Variants in IPO5 observed in about 807,000 individuals in gnomAD.
IPO5 encodes importin 5, also known as importin-5.
Under a neutral mutation model 143.3 loss-of-function variants are expected in IPO5, and 18 were observed. That is an observed-to-expected ratio of 0.13 (90% CI 0.09 to 0.19). IPO5 has a LOEUF of 0.19. Among genes scored for constraint, IPO5 ranks in the 10% least tolerant of loss-of-function variants. The pLI is 1.00. For synonymous variants in IPO5, 477 were observed against 465.7 expected, an observed-to-expected ratio of 1.02 and a Z score of -0.31; for missense variants, 1,013 against 1,336.9, an observed-to-expected ratio of 0.76 and a Z score of 3.78.
intron 2 of IPO5, among the ~76,000 whole-genome samples, chr13:97,966,392 T>C (rs142928378): frequency 7.3e-4 from 111 of 152,302 alleles, no homozygotes; most frequent in African/African-American, 2.6e-3. Context: ...GAGATGCTCA[T>C]ATAGTTTTTA....
At chr13:97,981,438 G>C in intron 4 of IPO5, 1 of 309,790 alleles carries the variant, frequency 3.2e-6, no homozygotes, top group South Asian at 2.7e-5. Context: ...TTCCTTATCT[G>C]TTAATATCTC....
intron 7 of IPO5, among the ~76,000 whole-genome samples, 193 bp downstream of exon 7, chr13:97,989,357 TG>T (rs1374005692): frequency 2.0e-5 from 3 of 152,238 alleles, no homozygotes; most frequent in Non-Finnish European, 2.9e-5. Flanking sequence ...TGATCTTTTT[TG>T]TACACAAAGG....
At chr13:97,975,242 G>A (rs1008126809) in intron 3 of IPO5, among the ~76,000 whole-genome samples, 25 of 134,894 alleles carry the variant, frequency 1.9e-4, no homozygotes, top group Middle Eastern at 3.7e-3. Context: ...AGGCCGAGGC[G>A]GGGGGAGGGC....
intron 4 of IPO5, among the ~76,000 whole-genome samples, chr13:97,979,406 TTATTTC>T (rs1317128406): frequency 6.6e-6 from 1 of 152,208 alleles, no homozygotes; most frequent in Non-Finnish European, 1.5e-5. Flanking sequence ...GCTTTATAGT[TTATTTC>T]TATTTTTAAA....
rs755962098 is a variant in IPO5, at chr13:98,006,355, A to AGTTTTTTTTTT, written c.1716+7_1716+8insGTTTTTTTTTT. The AGTTTTTTTTTT allele has an allele frequency of 1.4e-6, 1 of 705,278 alleles. No individual in the cohort carries two copies. Among genetic ancestry groups the AGTTTTTTTTTT allele is most frequent in the South Asian group, 2.2e-5 (1 of 46,332 alleles). 43.7% of individuals were successfully genotyped at this position (705,278 alleles called of 1,614,324 possible). ...GGCTGTTGGGAAGGAAAAAGTAAGT[A>AGTTTTTTTTTT]ATTTTTTTTTTTTTTTTTTTTTTTT... On this transcript the variant is annotated splice_region_variant and intron_variant, in intron 17 of 28. Transcript: ENST00000651721.
chr13:97,991,839 G>C (rs898590002), intron 9 of IPO5, among the ~76,000 whole-genome samples: 1 of 152,214 alleles, frequency 6.6e-6, no homozygotes, highest in African/African-American at 2.4e-5. Flanking sequence ...AAATGTCTGG[G>C]ATTTGTAATA....
chr13:98,020,465 C>T (rs1385770005), intron 27 of IPO5, among the ~76,000 whole-genome samples: 1 of 152,100 alleles, frequency 6.6e-6, no homozygotes, highest in African/African-American at 2.4e-5. Context: ...AGACTACATA[C>T]TCCTGACCTG....
chr13:98,016,678 G>T, intron 24 of IPO5, 51 bp from the exon 25 acceptor site: 1 of 992,548 alleles, frequency 1.0e-6, no homozygotes, highest in Non-Finnish European at 1.4e-6. Flanking sequence ...ATTGATAATA[G>T]AAAATATACT....
In IPO5 at chr13:97,953,694, A is replaced by G. The variant is rs1465389052; in HGVS notation, c.-215A>G. ...ATTGATGACCTCCCACAACTGGAGCAGCCGGGAACAGCTCTGACCACAGTA... is the reference window on the plus strand; with the variant it reads ...ATTGATGACCTCCCACAACTGGAGCGGCCGGGAACAGCTCTGACCACAGTA... On this transcript the variant is annotated 5_prime_UTR_variant, in exon 1 of 29. Transcript: ENST00000651721. 1 of 235,362 alleles carries G rather than the reference A, an allele frequency of 4.2e-6. No homozygotes were observed. Among genetic ancestry groups the G allele is most frequent in the Non-Finnish European group, 8.6e-6 (1 of 115,660 alleles). The allele number at this position is 235,362 out of a possible 1,614,324, so 14.6% of individuals were successfully genotyped here. A position where few individuals can be genotyped will look rare whatever the true frequency, so the allele number is the denominator to read the frequency against.
At chr13:97,993,060 A>T in intron 10 of IPO5, 45 bp from the exon 11 acceptor site, 1 of 1,611,788 alleles carries the variant, frequency 6.2e-7, no homozygotes, top group Non-Finnish European at 8.5e-7. Flanking sequence ...ATTTTCAGGG[A>T]CTAATCTAAA....
At chr13:97,960,492 A>G (rs1884776263) in intron 2 of IPO5, 1 of 152,116 alleles carries the variant, frequency 6.6e-6, no homozygotes, top group Non-Finnish European at 1.5e-5. Context: ...TGTATTTTTA[A>G]TATAATAGCT....
intron 4 of IPO5, among the ~76,000 whole-genome samples, chr13:97,980,210 C>T (rs760607680): frequency 2.0e-5 from 3 of 152,200 alleles, no homozygotes; most frequent in Non-Finnish European, 4.4e-5. Context: ...AAGTTACCAT[C>T]CCTGTCTGTG....
In IPO5 at chr13:97,993,161, C is replaced by T. The variant is rs768164819; in HGVS notation, c.849C>T (p.Ile283=). ...AACGCCAGCTTGCCCTTGAAGTGAT[C>T]GTCACCCTCTCTGAGACTGCAGCTG... The part of the protein sequence containing the change: ...NMQRQLALEV[I]VTLSETAAAM... The change falls in exon 11 of 29, where the codon ATC becomes ATT. Residue 283 remains isoleucine (I), a synonymous_variant. Coordinates refer to ENST00000651721, the MANE Select transcript of IPO5 (RefSeq NM_002271.6). 8.1e-6 allele frequency: 13 copies of T among 1,613,556 alleles called. No homozygotes were observed. In the Admixed American group the frequency reaches 1.5e-4, roughly 19 times the overall value.
At chr13:97,969,415 C>T (rs758570968) in intron 2 of IPO5, among the ~76,000 whole-genome samples, 56 of 151,868 alleles carry the variant, frequency 3.7e-4, no homozygotes, top group Non-Finnish European at 6.3e-4. Context: ...ATCTCCTGAC[C>T]TCGTGATCCG....
intron 11 of IPO5, among the ~76,000 whole-genome samples, chr13:97,995,660 G>T (rs1472728392): frequency 6.6e-6 from 1 of 152,066 alleles, no homozygotes; most frequent in Non-Finnish European, 1.5e-5. Flanking sequence ...GGAGGCCGAG[G>T]CAGGAGAATG....
intron 5 of IPO5, among the ~76,000 whole-genome samples, chr13:97,982,852 A>G (rs1886968999): frequency 6.6e-6 from 1 of 152,208 alleles, no homozygotes; most frequent in Admixed American, 6.5e-5. Flanking sequence ...TTGCATAAGA[A>G]TTATTAAATT....
At chr13:98,013,244 T>C (rs1304651719) in intron 21 of IPO5, among the ~76,000 whole-genome samples, 1 of 151,976 alleles carries the variant, frequency 6.6e-6, no homozygotes, top group Non-Finnish European at 1.5e-5. Context: ...TTTTGTTTGT[T>C]TGTTTTTGTT....
intron 4 of IPO5, among the ~76,000 whole-genome samples, chr13:97,979,343 C>T (rs916997491): frequency 1.3e-5 from 2 of 152,114 alleles, no homozygotes; most frequent in South Asian, 2.1e-4. Context: ...ATTGAAGAGA[C>T]GTCAAAACTC....
intron 4 of IPO5, chr13:97,982,202 G>T: frequency 3.6e-6 from 1 of 279,670 alleles, no homozygotes; most frequent in Non-Finnish European, 6.6e-6. Flanking sequence ...GTCACATTTG[G>T]CAATTTTTTG....
Sources: allele counts gnomAD v4.1 joint callset (sites outside exome capture counted in the v4.1 genomes callset), GRCh38; gene constraint gnomAD v4.1.1; transcripts MANE v1.5; gene names NCBI Gene and HGNC (gene_info 2026-07-23, HGNC 2026-07-21).